Variants in TRAPPC10 observed in about 807,000 individuals in gnomAD.
TRAPPC10 encodes the protein trafficking protein particle complex subunit 10, also known as TRAPP 130 kDa subunit.
Under a neutral mutation model 125.5 loss-of-function variants are expected in TRAPPC10, and 23 were observed. The observed-to-expected ratio is 0.18, with a 90% CI of 0.13 to 0.26. TRAPPC10 has a LOEUF of 0.26. TRAPPC10 is among the 10% of genes least tolerant of loss of function. The probability of loss-of-function intolerance (pLI) is 1.00; values close to 1 mark genes in which losing one functional copy is unlikely to be tolerated. For synonymous variants in TRAPPC10, 509 were observed against 518.0 expected (o/e 0.98, Z 0.24); for missense variants, 1,123 against 1,308.4 (o/e 0.86, Z 2.19).
chr21:44,053,312 C>T lies in TRAPPC10; in HGVS notation c.482+836C>T, dbSNP rs577120527. On this transcript the variant is annotated intron_variant, in intron 4 of 22. Coordinates refer to ENST00000291574, the MANE Select transcript of TRAPPC10 (RefSeq NM_003274.5). ...TTTTTTTCTTTATGCATACATAATA[C>T]GTGTGTGTATTTTAAGTTAATATAA... Among the ~76,000 whole-genome samples, 31 of 152,076 alleles carry T rather than the reference C, an allele frequency of 2.0e-4. No individual in the cohort carries two copies. In the South Asian group the frequency reaches 5.0e-3, roughly 24 times the overall value.
intron 10 of TRAPPC10, among the ~76,000 whole-genome samples, 191 bp downstream of exon 10, chr21:44,076,819 A>G (rs2037318990): frequency 1.3e-5 from 2 of 152,152 alleles, no homozygotes; most frequent in South Asian, 2.1e-4. Flanking sequence ...ATTAGTGCCC[A>G]TGGTACCATG....
chr21:44,019,571 C>T (rs2032262773), intron 1 of TRAPPC10, among the ~76,000 whole-genome samples: 1 of 152,152 alleles, frequency 6.6e-6, no homozygotes. Flanking sequence ...TCATTTATGA[C>T]TTCTTTTTTC....
At chr21:44,079,329 G>A (rs1192069484) in intron 11 of TRAPPC10, 1 of 472,340 alleles carries the variant, frequency 2.1e-6, no homozygotes, top group Non-Finnish European at 3.7e-6. Context: ...ACGATGTGTT[G>A]TGCTCTTATC....
rs767450860 is a variant in TRAPPC10, at chr21:44,074,338, T to C, written c.1053T>C (p.Pro351=). ...ELKLLEVSVP[P]GALDCWVFLS... ...CACCCCCACAGGTCTCTGTCCCACC[T>C]GGTGCTCTGGACTGCTGGGTGTTTC... Residue 351 remains proline (P), a synonymous_variant, in exon 8 of 23, where the codon CCT becomes CCC. Coordinates refer to ENST00000291574, the MANE Select transcript of TRAPPC10 (RefSeq NM_003274.5). 14 of 1,614,136 alleles carry C rather than the reference T, an allele frequency of 8.7e-6. No individual in the cohort carries two copies. Among genetic ancestry groups the C allele is most frequent in the Non-Finnish European group, 1.2e-5 (14 of 1,180,022 alleles).
At chr21:44,045,584 C>T (rs1312071096) in intron 3 of TRAPPC10, among the ~76,000 whole-genome samples, 1 of 151,676 alleles carries the variant, frequency 6.6e-6, no homozygotes, top group Non-Finnish European at 1.5e-5. Context: ...GAGAGTCTCG[C>T]ACTGTTGCCC....
intron 2 of TRAPPC10, 84 bp downstream of exon 2, chr21:44,032,256 T>C (rs2033634404): frequency 1.7e-6 from 2 of 1,147,444 alleles, no homozygotes; most frequent in Non-Finnish European, 2.5e-6. Flanking sequence ...ATATGTTGTT[T>C]AGACATTTAT....
At chr21:44,027,210 A>C (rs1176351943) in intron 1 of TRAPPC10, among the ~76,000 whole-genome samples, 1 of 152,144 alleles carries the variant, frequency 6.6e-6, no homozygotes, top group Non-Finnish European at 1.5e-5. Flanking sequence ...TAAATCTCCA[A>C]ATAGAAGTAT....
intron 1 of TRAPPC10, among the ~76,000 whole-genome samples, chr21:44,013,493 A>G (rs1195675943): frequency 2.0e-5 from 3 of 152,188 alleles, no homozygotes; most frequent in Non-Finnish European, 4.4e-5. Context: ...GTGCTTGGAA[A>G]GGAAGCACTC....
chr21:44,065,166 C>T (rs1210265659), intron 7 of TRAPPC10, among the ~76,000 whole-genome samples: 1 of 152,166 alleles, frequency 6.6e-6, no homozygotes, highest in Admixed American at 6.5e-5. Context: ...GAGACGACCC[C>T]AGGAGGCTGA....
Position 44,082,515 on chromosome 21 carries a change from T to G in TRAPPC10, c.1724-273T>G, listed in dbSNP as rs1240345626. ...AAATTGAGAGGTAGTTGACCTGTAT[T>G]TCTCTTAGGTTTGTCAAAGCAGACT... On this transcript the variant is annotated intron_variant, in intron 13 of 22. Coordinates refer to ENST00000291574, the MANE Select transcript of TRAPPC10 (RefSeq NM_003274.5). The surrounding 1 kb of genome is among the most constrained non-coding windows in gnomAD (Gnocchi z 4.4). Among the ~76,000 whole-genome samples the G allele has an allele frequency of 6.6e-6, 1 of 152,244 alleles. No individual in the cohort carries two copies. Among genetic ancestry groups the G allele is most frequent in the Non-Finnish European group, 1.5e-5 (1 of 68,038 alleles).
chr21:44,075,160 T>C lies in TRAPPC10; in HGVS notation c.1300+7T>C, dbSNP rs2037182886. 2 of 1,596,074 alleles carry C rather than the reference T, an allele frequency of 1.3e-6. No homozygotes were observed. Among genetic ancestry groups the C allele is most frequent in the Non-Finnish European group, 1.7e-6 (2 of 1,163,662 alleles). ...GCTGAGCGACCAGAAACAGGTACTT[T>C]TTTGTATATACCTGTGTGAGTGGTG... On this transcript the variant is annotated splice_region_variant and intron_variant, in intron 9 of 22. Transcript: ENST00000291574.
At chr21:44,073,057 G>C (rs1312249424) in intron 7 of TRAPPC10, among the ~76,000 whole-genome samples, 1 of 152,220 alleles carries the variant, frequency 6.6e-6, no homozygotes, top group African/African-American at 2.4e-5. Flanking sequence ...TGGTATGTTT[G>C]GGTGAGAGAG....
chr21:44,052,722 C>G (rs1056644241), intron 4 of TRAPPC10, among the ~76,000 whole-genome samples: 1 of 151,886 alleles, frequency 6.6e-6, no homozygotes, highest in African/African-American at 2.4e-5. Context: ...TGGGAGGCCT[C>G]TTGGTGGGTC....
Position 44,063,690 on chromosome 21 carries a change from T to C in TRAPPC10, c.943T>C (p.Cys315Arg). The part of the protein sequence containing the change: ...DLRSYLFSRQ[C>R]TLLLFLQRPW... Reference sequence around the variant, plus strand: ...GCGCAGTTACCTGTTCTCTCGCCAGTGCACCTTGCTGCTCTTCCTGCAGAG... The same window carrying C: ...GCGCAGTTACCTGTTCTCTCGCCAGCGCACCTTGCTGCTCTTCCTGCAGAG... The change falls in exon 7 of 23, where the codon TGC becomes CGC. Residue 315 changes from cysteine (C) to arginine (R), a missense_variant. By Grantham distance (180) the Cys-to-Arg change is radical. This residue lies in a region of TRAPPC10 where 91 missense variants were observed against 127.1 expected (regional missense o/e 0.72). Transcript: ENST00000291574. This position sits in a 1 kb window ranked among gnomAD's most constrained non-coding sequence, Gnocchi z 4.4. 1.2e-6 allele frequency: 2 copies of C among 1,614,240 alleles called. No individual in the cohort carries two copies. Among genetic ancestry groups the C allele is most frequent in the South Asian group, 1.1e-5 (1 of 91,088 alleles).
At chr21:44,032,018 A>G in intron 1 of TRAPPC10, 73 bp from the exon 2 acceptor site, 3 of 1,239,462 alleles carry the variant, frequency 2.4e-6, no homozygotes, top group South Asian at 1.3e-5. Context: ...ACACCAATTT[A>G]TTAAGCTCTA....
chr21:44,062,419 G>A (rs1367471807), intron 6 of TRAPPC10: 1 of 384,826 alleles, frequency 2.6e-6, no homozygotes. Flanking sequence ...AGGGGCTCAG[G>A]TGAGAGATGG....
chr21:44,078,138 T>G (rs1156456344), intron 11 of TRAPPC10, among the ~76,000 whole-genome samples: 1 of 152,114 alleles, frequency 6.6e-6, no homozygotes, highest in Non-Finnish European at 1.5e-5. Flanking sequence ...TTTTATCAAG[T>G]ATTAAGAGGA....
chr21:44,055,573 GTC>G, intron 4 of TRAPPC10, 123 bp from the exon 5 acceptor site: 1 of 717,232 alleles, frequency 1.4e-6, no homozygotes, highest in Admixed American at 2.7e-5. Flanking sequence ...GCAAAACTCT[GTC>G]TCAAAAAAAA....
chr21:44,014,528 C>T (rs2031580192), intron 1 of TRAPPC10, among the ~76,000 whole-genome samples: 1 of 151,930 alleles, frequency 6.6e-6, no homozygotes, highest in South Asian at 2.1e-4. Flanking sequence ...TCCTCGGCCT[C>T]CCGAGTAGCT....
Sources: allele counts gnomAD v4.1 joint callset (sites outside exome capture counted in the v4.1 genomes callset), GRCh38; gene constraint gnomAD v4.1.1; regional missense constraint gnomAD v4.1.1; non-coding constraint Gnocchi (gnomAD v3.1); transcripts MANE v1.5; gene names NCBI Gene and HGNC (gene_info 2026-07-23, HGNC 2026-07-21).